Variants in PDE1A observed in about 807,000 individuals in gnomAD.
PDE1A encodes the protein dual specificity calcium/calmodulin-dependent 3',5'-cyclic nucleotide phosphodiesterase 1A.
In PDE1A, 35 loss-of-function variants were observed where a neutral mutation model predicts 61.7. The ratio of observed to expected loss-of-function variants is 0.57; its 90% CI spans 0.43 to 0.75. The LOEUF is 0.75. PDE1A is among the 30% of genes least tolerant of loss of function. PDE1A has a pLI of 0.00. For synonymous variants in PDE1A, 232 were observed against 213.2 expected, an observed-to-expected ratio of 1.09 and a Z score of -0.77; for missense variants, 597 against 630.6, an observed-to-expected ratio of 0.95 and a Z score of 0.57.
intron 1 of PDE1A, among the ~76,000 whole-genome samples, chr2:182,338,752 C>T (rs1003488871): frequency 2.6e-5 from 4 of 151,964 alleles, no homozygotes; most frequent in Non-Finnish European, 5.9e-5. Context: ...TCAAACTCCT[C>T]ACCTCGTGAT....
chr2:182,700,615 G>T, the PDE1A span, among the ~76,000 whole-genome samples: 1 of 151,120 alleles, frequency 6.6e-6, no homozygotes, highest in Non-Finnish European at 1.5e-5. Flanking sequence ...CCAGCTACTT[G>T]GGAGGCTGAG....
the PDE1A span, among the ~76,000 whole-genome samples, chr2:182,584,223 G>T: frequency 1.3e-5 from 2 of 151,878 alleles, no homozygotes; most frequent in Non-Finnish European, 2.9e-5. Context: ...ATCTTGCAAG[G>T]AGCCACAAGG....
chr2:182,663,942 AT>A, the PDE1A span, among the ~76,000 whole-genome samples: 1 of 152,178 alleles, frequency 6.6e-6, no homozygotes, highest in Admixed American at 6.5e-5. Context: ...AAGTGAAAAG[AT>A]CAGACATAGA....
rs1164142769 is a variant in PDE1A at position 182,221,394 on chromosome 2, C to A, written c.776+2470G>T. Among the ~76,000 whole-genome samples the A allele has an allele frequency of 2.0e-5, 3 of 152,190 alleles. No homozygotes were observed. In the South Asian group the frequency reaches 6.2e-4, roughly 32 times the overall value. ...GATCTTTAATTAAAATCCTCCACAT[C>A]GTGGATCCAGTGGATGTAGAGAGCC... On this transcript the variant is annotated intron_variant, in intron 7 of 13. Transcript: ENST00000351439.
At chr2:182,320,596 G>C (rs933504242) in intron 1 of PDE1A, among the ~76,000 whole-genome samples, 4 of 152,158 alleles carry the variant, frequency 2.6e-5, no homozygotes, top group Non-Finnish European at 4.4e-5. Context: ...TTAGCAATAA[G>C]TAGATATTTG....
At chr2:182,550,854 T>A in the PDE1A span, among the ~76,000 whole-genome samples, 5 of 151,996 alleles carry the variant, frequency 3.3e-5, no homozygotes, top group East Asian at 9.7e-4. Context: ...ATATGGCAAA[T>A]GGAGGAAAAA....
chr2:182,645,308 T>C, the PDE1A span, among the ~76,000 whole-genome samples: 3 of 152,202 alleles, frequency 2.0e-5, no homozygotes, highest in South Asian at 2.1e-4. Context: ...TACTTTCTGT[T>C]ATGGATATTT....
At chr2:182,241,987 G>C in intron 2 of PDE1A, 1 of 1,462,664 alleles carries the variant, frequency 6.8e-7, no homozygotes. Flanking sequence ...CTACTTTAAA[G>C]ATAATGCCAT....
At chr2:182,633,082 A>G in the PDE1A span, among the ~76,000 whole-genome samples, 18,681 of 152,166 alleles carry the variant, frequency 0.12, 1,538 homozygotes, top group African/African-American at 0.23. Context: ...ATTTGCTCCA[A>G]CCAAAACAAA....
chr2:182,273,268 C>T (rs1693164163), intron 1 of PDE1A, among the ~76,000 whole-genome samples: 1 of 151,916 alleles, frequency 6.6e-6, no homozygotes, highest in Admixed American at 6.6e-5. Flanking sequence ...GAAGTCAGAT[C>T]CTTTACTTGG....
intron 2 of PDE1A, among the ~76,000 whole-genome samples, chr2:182,517,995 T>C (rs565865907): frequency 6.6e-6 from 1 of 152,234 alleles, no homozygotes; most frequent in South Asian, 2.1e-4. Flanking sequence ...AATGTTTCTT[T>C]TGGGTGACCC....
At chr2:182,528,062 C>G (rs774243316), upstream of PDE1A, among the ~76,000 whole-genome samples, 1 of 152,028 alleles carries the variant, frequency 6.6e-6, no homozygotes, top group Non-Finnish European at 1.5e-5. Flanking sequence ...TAGAGTGGGG[C>G]ACTGCTGTAA....
intron 7 of PDE1A, among the ~76,000 whole-genome samples, chr2:182,212,832 G>A (rs1228336158): frequency 6.6e-6 from 1 of 152,260 alleles, no homozygotes; most frequent in Non-Finnish European, 1.5e-5. Context: ...CGGCAGGGAG[G>A]CCAGGGGAGG....
At chr2:182,299,894 A>C (rs1695130076) in intron 1 of PDE1A, among the ~76,000 whole-genome samples, 1 of 152,142 alleles carries the variant, frequency 6.6e-6, no homozygotes, top group Non-Finnish European at 1.5e-5. Context: ...ACACCGGTGC[A>C]TTGTATTGAC....
intron 13 of PDE1A, among the ~76,000 whole-genome samples, chr2:182,147,874 G>A (rs1690577686): frequency 6.6e-6 from 1 of 152,186 alleles, no homozygotes; most frequent in Non-Finnish European, 1.5e-5. Context: ...TCTGAAGTTT[G>A]AGTAAAGATA....
chr2:182,687,263 C>G, the PDE1A span, among the ~76,000 whole-genome samples: 3 of 152,212 alleles, frequency 2.0e-5, no homozygotes, highest in Admixed American at 2.0e-4. Flanking sequence ...CCCCAAGTAG[C>G]CTTTCTGGGA....
At chr2:182,521,726 T>C (rs2125991508) in intron 2 of PDE1A, among the ~76,000 whole-genome samples, 1 of 152,294 alleles carries the variant, frequency 6.6e-6, no homozygotes, top group South Asian at 2.1e-4. Flanking sequence ...TGTGAACTGG[T>C]TAATTTAAAG....
intron 1 of PDE1A, among the ~76,000 whole-genome samples, chr2:182,268,779 C>T (rs1379004761): frequency 6.6e-6 from 1 of 152,040 alleles, no homozygotes; most frequent in African/African-American, 2.4e-5. Flanking sequence ...CTACCTATCT[C>T]GTAAGTCCTT....
At chr2:182,518,149 T>C in intron 2 of PDE1A, among the ~76,000 whole-genome samples, 1 of 152,206 alleles carries the variant, frequency 6.6e-6, no homozygotes. Context: ...TTGTGTCTTA[T>C]CTATAATGCA....
Sources: allele counts gnomAD v4.1 joint callset (sites outside exome capture counted in the v4.1 genomes callset), GRCh38; gene constraint gnomAD v4.1.1; transcripts MANE v1.5; gene names NCBI Gene and HGNC (gene_info 2026-07-23, HGNC 2026-07-21).